Variants in MRAS observed in about 807,000 individuals in gnomAD.
MRAS encodes ras-related protein M-Ras.
A neutral mutation model predicts 20.9 loss-of-function variants in MRAS; 4 were observed. That is an observed-to-expected ratio of 0.19 (90% confidence interval 0.09 to 0.44). The LOEUF (loss-of-function observed/expected upper bound fraction) is 0.44. MRAS is among the 20% of genes least tolerant of loss of function. The pLI is 0.99. For missense variants in MRAS, 154 were observed against 277.5 expected (o/e 0.56, Z 3.16); for synonymous variants, 98 against 102.9 (o/e 0.95, Z 0.29).
intron 1 of MRAS, chr3:138,350,090 C>G (rs1000346465): frequency 6.6e-6 from 1 of 152,168 alleles, no homozygotes; most frequent in Non-Finnish European, 1.5e-5. Flanking sequence ...TAGACATTCA[C>G]TGGTGGGTTG....
At chr3:138,387,439 G>C (rs1225911917) in intron 2 of MRAS, among the ~76,000 whole-genome samples, 4 of 152,184 alleles carry the variant, frequency 2.6e-5, no homozygotes, top group Non-Finnish European at 5.9e-5. Context: ...TCAAAGACAG[G>C]CTGGTGTGAG....
chr3:138,401,557 G>C (rs1481333061), intron 5 of MRAS, among the ~76,000 whole-genome samples: 1 of 152,176 alleles, frequency 6.6e-6, no homozygotes, highest in African/African-American at 2.4e-5. Flanking sequence ...GGTGGAGGTG[G>C]AGGCAAGAGG....
chr3:138,390,677 GGAGGGGTGGGCTAGAC>G (rs2055114785), intron 2 of MRAS, among the ~76,000 whole-genome samples: 1 of 152,220 alleles, frequency 6.6e-6, no homozygotes, highest in South Asian at 2.1e-4. Flanking sequence ...GTATGTGTGT[GGAGGGGTGGGCTAGAC>G]AAGGGGTGGG....
At chr3:138,368,098 A>G (rs2054599899) in intron 1 of MRAS, among the ~76,000 whole-genome samples, 1 of 152,214 alleles carries the variant, frequency 6.6e-6, no homozygotes, top group South Asian at 2.1e-4. Flanking sequence ...CTGTTCCCAA[A>G]GTTGGTTTCT....
chr3:138,349,241 C>G (rs2054178079), intron 1 of MRAS: 1 of 152,366 alleles, frequency 6.6e-6, no homozygotes, highest in South Asian at 2.1e-4. Flanking sequence ...TTCACTGCCC[C>G]CGGAGGTTTG....
At chr3:138,379,516 C>G (rs996328570) in intron 2 of MRAS, among the ~76,000 whole-genome samples, 2 of 152,072 alleles carry the variant, frequency 1.3e-5, no homozygotes, top group African/African-American at 4.8e-5. Context: ...TGCCAACACG[C>G]TCGGCTAATT....
chr3:138,360,991 C>T (rs533806304), intron 1 of MRAS, among the ~76,000 whole-genome samples: 18 of 152,340 alleles, frequency 1.2e-4, no homozygotes, highest in Admixed American at 3.9e-4. Flanking sequence ...CTGACCTTCA[C>T]GGTTCCTGAA....
intron 1 of MRAS, among the ~76,000 whole-genome samples, chr3:138,352,143 G>A (rs1012409261): frequency 2.0e-5 from 3 of 152,244 alleles, no homozygotes; most frequent in South Asian, 2.1e-4. Context: ...AGAGGGCAGT[G>A]CTGGCACTGC....
At chr3:138,355,492 C>G (rs1284910039) in intron 1 of MRAS, among the ~76,000 whole-genome samples, 1 of 151,616 alleles carries the variant, frequency 6.6e-6, no homozygotes, top group African/African-American at 2.4e-5. Flanking sequence ...TTATCCAGGG[C>G]AGATTCTTGT....
intron 2 of MRAS, among the ~76,000 whole-genome samples, chr3:138,391,025 T>G (rs1467585211): frequency 6.6e-6 from 1 of 152,232 alleles, no homozygotes; most frequent in Non-Finnish European, 1.5e-5. Flanking sequence ...TTTTCTCTGA[T>G]AAGAATTGCT....
In MRAS at chr3:138,404,637, T is replaced by A. The variant is rs534317168; in HGVS notation, c.*2368T>A. 3 of 152,324 alleles carry A rather than the reference T, an allele frequency of 2.0e-5. No individual in the cohort carries two copies. Among genetic ancestry groups the A allele is most frequent in the Admixed American group, 2.0e-4 (3 of 15,302 alleles). The allele number at this position is 152,324 out of a possible 1,614,324, so 9.4% of individuals were successfully genotyped here. Reference sequence around the variant, plus strand: ...CTCTGCTGTTGAGCCTCTGGTAAGCTTTCATCTCCCATGAACTCATTTCCC... The same window carrying A: ...CTCTGCTGTTGAGCCTCTGGTAAGCATTCATCTCCCATGAACTCATTTCCC... On this transcript the variant is annotated 3_prime_UTR_variant, in exon 6 of 6. Coordinates refer to ENST00000423968, the MANE Select transcript of MRAS (RefSeq NM_001085049.3).
intron 2 of MRAS, among the ~76,000 whole-genome samples, chr3:138,397,030 G>A (rs551804015): frequency 5.9e-5 from 9 of 152,192 alleles, no homozygotes; most frequent in African/African-American, 9.7e-5. Flanking sequence ...TTCATGAGGC[G>A]CGTCTGTAGA....
chr3:138,373,206 G>A lies in MRAS; in HGVS notation c.193+130G>A, dbSNP rs573816787. 164 of 887,002 alleles carry A rather than the reference G, an allele frequency of 1.8e-4. No homozygotes were observed. The African/African-American group carries it at 2.5e-3, about 14-fold the overall frequency. 54.9% of individuals were successfully genotyped at this position (887,002 alleles called of 1,614,324 possible). A position where few individuals can be genotyped will look rare whatever the true frequency, so the allele number is the denominator to read the frequency against. On this transcript the variant is annotated intron_variant, in intron 2 of 5. Coordinates refer to ENST00000423968, the MANE Select transcript of MRAS (RefSeq NM_001085049.3). The stretch of plus-strand genomic sequence containing the variant: ...GTTATGGGATGGTTGATATAAAGCC[G>A]TGTGTCGTTTTCAGGGTGAATTCTC...
intron 1 of MRAS, among the ~76,000 whole-genome samples, chr3:138,356,051 T>C (rs1399579185): frequency 1.3e-5 from 2 of 152,246 alleles, no homozygotes; most frequent in East Asian, 3.8e-4. Flanking sequence ...CTGGGGCTTA[T>C]CTTGCAATGG....
intron 1 of MRAS, among the ~76,000 whole-genome samples, chr3:138,364,743 C>G (rs2054525984): frequency 6.6e-6 from 1 of 152,242 alleles, no homozygotes. Flanking sequence ...GATCTATGCC[C>G]TGGTCAGCAA....
At chr3:138,385,805 G>C (rs2055000388) in intron 2 of MRAS, among the ~76,000 whole-genome samples, 1 of 152,186 alleles carries the variant, frequency 6.6e-6, no homozygotes, top group African/African-American at 2.4e-5. Context: ...GTGAGCCACT[G>C]TTCCAGGCCA....
chr3:138,375,096 A>G (rs1040155641), intron 2 of MRAS, among the ~76,000 whole-genome samples: 7 of 152,146 alleles, frequency 4.6e-5, no homozygotes, highest in Non-Finnish European at 1.0e-4. Flanking sequence ...ATTGTCGCCC[A>G]GGCTGGTCTT....
intron 2 of MRAS, among the ~76,000 whole-genome samples, chr3:138,395,352 T>C (rs59498832): frequency 0.013 from 2,010 of 152,234 alleles, 43 homozygotes; most frequent in African/African-American, 0.045. Context: ...ATGCCATTCT[T>C]TTGCCCAAAC....
Position 138,372,848 on chromosome 3 carries a change from C to T in MRAS, c.-18-18C>T. On this transcript the variant is annotated intron_variant, in intron 1 of 5. Transcript: ENST00000423968. The stretch of plus-strand genomic sequence containing the variant: ...TAAAAAAGCCCTCTGTCTCATTCCA[C>T]ATGTCTTGCTGCCGCAGGTCTGACC... The T allele has an allele frequency of 1.3e-6, 2 of 1,481,520 alleles. No individual in the cohort carries two copies. Among genetic ancestry groups the T allele is most frequent in the Non-Finnish European group, 8.9e-7 (1 of 1,117,942 alleles). 91.8% of individuals were successfully genotyped at this position (1,481,520 alleles called of 1,614,324 possible).
Sources: allele counts gnomAD v4.1 joint callset (sites outside exome capture counted in the v4.1 genomes callset), GRCh38; gene constraint gnomAD v4.1.1; transcripts MANE v1.5; gene names NCBI Gene and HGNC (gene_info 2026-07-23, HGNC 2026-07-21).